WDFY3: variants seen among roughly 807,000 people sequenced by gnomAD.
WDFY3 encodes WD repeat and FYVE domain containing 3, also known as WD repeat and FYVE domain-containing protein 3.
Under a neutral mutation model 409.6 loss-of-function variants are expected in WDFY3, and 66 were observed. The observed-to-expected ratio is 0.16, with a 90% CI of 0.13 to 0.20. WDFY3 has a LOEUF of 0.20. Among genes scored for constraint, WDFY3 ranks in the 10% least tolerant of loss-of-function variants. The pLI is 1.00. For synonymous variants in WDFY3, 1,521 were observed against 1,537.1 expected, an observed-to-expected ratio of 0.99 and a Z score of 0.25; for missense variants, 3,031 against 4,298.1, an observed-to-expected ratio of 0.71 and a Z score of 8.24.
In WDFY3 at chr4:84,845,495, T is replaced by A. The variant is rs186980382; in HGVS notation, c.305-4232A>T. ...TGTAAGACACAAAAAGCTCTAGAGA[T>A]CTGCTGTACAGCATGGTATGTATAG... On this transcript the variant is annotated intron_variant, in intron 5 of 67. Coordinates refer to ENST00000295888, the MANE Select transcript of WDFY3 (RefSeq NM_014991.6). Among the ~76,000 whole-genome samples the A allele has an allele frequency of 1.0e-3, 152 of 152,252 alleles. 2 individuals are homozygous for A. The highest frequency in any genetic ancestry group is 3.1e-4 in the Non-Finnish European group (21 of 68,018).
intron 1 of WDFY3, among the ~76,000 whole-genome samples, chr4:84,945,202 A>C (rs1228366130): frequency 6.6e-6 from 1 of 152,244 alleles, no homozygotes; most frequent in Admixed American, 6.5e-5. Flanking sequence ...CATGAAAACC[A>C]CCAGGTGGAA....
intron 2 of WDFY3, among the ~76,000 whole-genome samples, chr4:84,927,579 CA>C (rs1770167869): frequency 6.6e-6 from 1 of 152,176 alleles, no homozygotes; most frequent in Non-Finnish European, 1.5e-5. Flanking sequence ...CCATAATCCC[CA>C]TGTGTCAAGG....
intron 3 of WDFY3, among the ~76,000 whole-genome samples, chr4:84,878,196 A>G (rs1578944593): frequency 6.6e-6 from 1 of 152,314 alleles, no homozygotes; most frequent in African/African-American, 2.4e-5. Flanking sequence ...TTTGGGTGGT[A>G]AACAGATGAT....
intron 3 of WDFY3, among the ~76,000 whole-genome samples, chr4:84,894,326 A>G (rs950866849): frequency 6.6e-6 from 1 of 152,216 alleles, no homozygotes; most frequent in African/African-American, 2.4e-5. Context: ...AGTGATTTGC[A>G]TGAAAAGTAT....
intron 2 of WDFY3, among the ~76,000 whole-genome samples, chr4:84,916,977 T>C (rs1355926177): frequency 2.0e-5 from 3 of 152,164 alleles, no homozygotes; most frequent in East Asian, 1.9e-4. Flanking sequence ...ATATATTTTA[T>C]ATATCACACA....
At chr4:84,696,279 A>T (rs1398564772) in intron 57 of WDFY3, 97 bp from the exon 58 acceptor site, 1 of 1,135,778 alleles carries the variant, frequency 8.8e-7, no homozygotes, top group Non-Finnish European at 1.3e-6. Context: ...AACTAAAATA[A>T]CTAAAAATCA....
At chr4:84,750,321 T>G (rs1740289968) in intron 36 of WDFY3, among the ~76,000 whole-genome samples, 1 of 152,186 alleles carries the variant, frequency 6.6e-6, no homozygotes, top group African/African-American at 2.4e-5. Flanking sequence ...GTCATCCTGG[T>G]TAAATGCTTA....
intron 58 of WDFY3, among the ~76,000 whole-genome samples, chr4:84,694,601 T>C (rs1284958654): frequency 2.0e-5 from 3 of 152,166 alleles, no homozygotes; most frequent in Non-Finnish European, 2.9e-5. Flanking sequence ...CTAATATTCT[T>C]CAACTGTGAA....
At chr4:84,915,617 T>G (rs1768376381) in intron 2 of WDFY3, among the ~76,000 whole-genome samples, 1 of 152,204 alleles carries the variant, frequency 6.6e-6, no homozygotes, top group Admixed American at 6.5e-5. Context: ...AAAGCCAAGT[T>G]CATTGCAGAC....
chr4:84,806,460 CT>C (rs1751522562), intron 15 of WDFY3, among the ~76,000 whole-genome samples: 1 of 152,184 alleles, frequency 6.6e-6, no homozygotes, highest in African/African-American at 2.4e-5. Context: ...ACAGTTTTCC[CT>C]TAAGTCAAAG....
At chr4:84,722,167 C>G (rs1734957973) in intron 46 of WDFY3, among the ~76,000 whole-genome samples, 1 of 152,088 alleles carries the variant, frequency 6.6e-6, no homozygotes, top group East Asian at 1.9e-4. Flanking sequence ...GGGAGCAGAT[C>G]ACCTGAGGTC....
intron 8 of WDFY3, among the ~76,000 whole-genome samples, chr4:84,830,780 A>G (rs1436621495): frequency 6.6e-6 from 1 of 152,230 alleles, no homozygotes; most frequent in African/African-American, 2.4e-5. Context: ...CAGGATATCA[A>G]AAAAACTTCT....
intron 17 of WDFY3, among the ~76,000 whole-genome samples, chr4:84,800,021 A>G (rs1287911230): frequency 1.3e-5 from 2 of 152,170 alleles, no homozygotes; most frequent in Non-Finnish European, 2.9e-5. Flanking sequence ...TTAAAGTAGC[A>G]GATTACCAAA....
intron 33 of WDFY3, among the ~76,000 whole-genome samples, chr4:84,756,299 G>A (rs1046431397): frequency 1.1e-4 from 17 of 151,992 alleles, no homozygotes; most frequent in African/African-American, 4.1e-4. Context: ...TCAATCACAT[G>A]ACAGGCTGGA....
chr4:84,830,245 T>C (rs1755504204), intron 8 of WDFY3, among the ~76,000 whole-genome samples: 1 of 152,228 alleles, frequency 6.6e-6, no homozygotes, highest in South Asian at 2.1e-4. Flanking sequence ...AAGATGTTTC[T>C]ACTTTATGAT....
In WDFY3 at chr4:84,716,978, C is replaced by G; in HGVS notation, c.7793G>C (p.Gly2598Ala). 1.2e-6 allele frequency: 2 copies of G among 1,608,502 alleles called. No homozygotes were observed. The highest frequency in any genetic ancestry group is 1.7e-6 in the Non-Finnish European group (2 of 1,177,158). ...EPIIPRGARQ[G>A]PSQLKRTCSI... ...GCATGTTCTCTTGAGTTGACTAGGGCCTTGCCTGGCTCCTCTAGGAATAAT... is the reference window on the plus strand; with the variant it reads ...GCATGTTCTCTTGAGTTGACTAGGGGCTTGCCTGGCTCCTCTAGGAATAAT... Residue 2598 changes from glycine to alanine, a missense_variant, in exon 49 of 68, where the codon GGC (glycine) becomes GCC (alanine). By Grantham distance (60) the Gly-to-Ala change is moderately conservative. Around this residue, in one of 16 missense-constraint regions of WDFY3, gnomAD observed 40 missense variants for 54.2 expected, o/e 0.74. Transcript: ENST00000295888.
chr4:84,695,930 G>T (rs1244756306), intron 58 of WDFY3, 40 bp downstream of exon 58: 6 of 1,559,622 alleles, frequency 3.8e-6, no homozygotes, highest in Admixed American at 3.5e-5. Context: ...GTTACAAAAT[G>T]AAACAGAGTA....
At chr4:84,718,296 A>T in intron 48 of WDFY3, 126 bp downstream of exon 48, 1 of 903,960 alleles carries the variant, frequency 1.1e-6, no homozygotes, top group Non-Finnish European at 1.6e-6. Flanking sequence ...TGTAATGATG[A>T]ATGCACACAA....
rs371260814 is a variant in WDFY3 at position 84,751,563 on chromosome 4, A to G, written c.5893T>C (p.Phe1965Leu). The G allele has an allele frequency of 3.3e-5, 53 of 1,614,064 alleles. No individual in the cohort carries two copies. Among genetic ancestry groups the G allele is most frequent in the Non-Finnish European group, 3.6e-5 (43 of 1,180,038 alleles). The change falls in exon 36 of 68, where the codon TTC (phenylalanine) becomes CTC (leucine). Residue 1965 changes from phenylalanine to leucine, a missense_variant. Physicochemically the swap from Phe to Leu is conservative, Grantham distance 22. Coordinates refer to ENST00000295888, the MANE Select transcript of WDFY3 (RefSeq NM_014991.6). ...NHPAKKFVFDFMRVLIIDNLC... is the reference protein window; with the variant it reads ...NHPAKKFVFDLMRVLIIDNLC... ...TTGTCTATGATTAAGACCCGCATGA[A>G]GTCAAAAACGAACTTTTTAGCCGGG...
Sources: gnomAD v4.1 joint callset for allele counts (sites outside exome capture counted in the v4.1 genomes callset) on GRCh38, gnomAD v4.1.1 for gene constraint, gnomAD v4.1.1 regional missense constraint, MANE v1.5 for transcripts, NCBI Gene and HGNC (gene_info 2026-07-23, HGNC 2026-07-21) for gene names.